The following AGBL4 variants were observed in gnomAD, a reference collection of about 807,000 sequenced individuals.
The protein encoded by AGBL4 is AGBL carboxypeptidase 4.
AGBL4 carries 58 observed loss-of-function variants against 66.4 expected under a neutral mutation model. The ratio of observed to expected loss-of-function variants is 0.87; its 90% CI spans 0.71 to 1.09. The LOEUF (loss-of-function observed/expected upper bound fraction) is 1.09. Among genes scored for constraint, AGBL4 ranks in the 50% least tolerant of loss-of-function variants. The probability of loss-of-function intolerance (pLI) is 0.00; values close to 1 mark genes in which losing one functional copy is unlikely to be tolerated. For synonymous variants in AGBL4, 234 were observed against 222.9 expected, an observed-to-expected ratio of 1.05 and a Z score of -0.44; for missense variants, 579 against 631.0, an observed-to-expected ratio of 0.92 and a Z score of 0.88.
chr1:48,753,242 C>T (rs937888266), intron 6 of AGBL4, among the ~76,000 whole-genome samples: 1 of 152,246 alleles, frequency 6.6e-6, no homozygotes, highest in African/African-American at 2.4e-5. Context: ...GCTGGTTCTC[C>T]TGTCTGTATG....
chr1:49,355,748 C>T (rs889345394), intron 3 of AGBL4, among the ~76,000 whole-genome samples: 1 of 152,140 alleles, frequency 6.6e-6, no homozygotes. Context: ...AGCCTTAGGA[C>T]CTTTGTAGTT....
chr1:49,657,545 G>C (rs1646169054), intron 3 of AGBL4, among the ~76,000 whole-genome samples: 1 of 152,112 alleles, frequency 6.6e-6, no homozygotes, highest in African/African-American at 2.4e-5. Flanking sequence ...AACCCACATT[G>C]CCAAGACAAT....
intron 1 of AGBL4, among the ~76,000 whole-genome samples, chr1:49,927,678 CA>C (rs199530205): frequency 0.014 from 1,513 of 109,568 alleles, 10 homozygotes; most frequent in Middle Eastern, 0.041. Flanking sequence ...TCAGAGGAGA[CA>C]AAAAAAAAAA....
intron 1 of AGBL4, among the ~76,000 whole-genome samples, chr1:49,953,186 T>C (rs1055510755): frequency 3.3e-5 from 5 of 151,954 alleles, no homozygotes; most frequent in Admixed American, 1.3e-4. Flanking sequence ...GGACCAGTAA[T>C]GAAATGAAAT....
intron 2 of AGBL4, among the ~76,000 whole-genome samples, chr1:49,796,366 A>T (rs1644729281): frequency 6.6e-6 from 1 of 151,744 alleles, no homozygotes; most frequent in Non-Finnish European, 1.5e-5. Flanking sequence ...AGGAGAAATG[A>T]AGACAAAAAA....
chr1:49,487,403 C>A (rs1024337292), intron 3 of AGBL4, among the ~76,000 whole-genome samples: 1 of 151,780 alleles, frequency 6.6e-6, no homozygotes, highest in Non-Finnish European at 1.5e-5. Flanking sequence ...TCTCATAATC[C>A]CCACATGTCA....
At chr1:49,752,258 G>A (rs1651535453) in intron 2 of AGBL4, among the ~76,000 whole-genome samples, 1 of 152,098 alleles carries the variant, frequency 6.6e-6, no homozygotes, top group Admixed American at 6.6e-5. Flanking sequence ...GTGTCCCAGA[G>A]ATTCTGGTAC....
chr1:49,195,808 T>A (rs1158259268), intron 4 of AGBL4, among the ~76,000 whole-genome samples: 1 of 152,122 alleles, frequency 6.6e-6, no homozygotes, highest in Non-Finnish European at 1.5e-5. Context: ...TTTGGCTGTG[T>A]CCCCACCCAA....
intron 1 of AGBL4, among the ~76,000 whole-genome samples, chr1:49,880,822 C>T (rs988766207): frequency 4.0e-5 from 6 of 151,762 alleles, no homozygotes; most frequent in African/African-American, 9.7e-5. Context: ...ATTCCGTGGG[C>T]GTAGGGCCCT....
At chr1:49,614,617 T>G (rs747959942) in intron 3 of AGBL4, among the ~76,000 whole-genome samples, 2 of 152,146 alleles carry the variant, frequency 1.3e-5, no homozygotes, top group Non-Finnish European at 2.9e-5. Context: ...AGTAGTACTT[T>G]TATAGTATTT....
intron 1 of AGBL4, among the ~76,000 whole-genome samples, chr1:49,964,200 T>C (rs575275736): frequency 2.0e-5 from 3 of 152,214 alleles, no homozygotes; most frequent in Admixed American, 2.0e-4. Context: ...CATCTACATA[T>C]AATGTAATGG....
intron 3 of AGBL4, among the ~76,000 whole-genome samples, chr1:49,566,620 G>T (rs986256154): frequency 6.4e-4 from 98 of 152,304 alleles, no homozygotes; most frequent in Non-Finnish European, 1.3e-3. Flanking sequence ...GCGGATATTG[G>T]TGAACCGCAA....
intron 2 of AGBL4, among the ~76,000 whole-genome samples, chr1:49,822,425 T>G (rs577729093): frequency 3.7e-4 from 57 of 152,038 alleles, no homozygotes; most frequent in African/African-American, 1.3e-3. Flanking sequence ...ACCTCCTGGG[T>G]TCACGCAATT....
At chr1:49,971,394 C>T (rs1018422876) in intron 1 of AGBL4, among the ~76,000 whole-genome samples, 1 of 152,098 alleles carries the variant, frequency 6.6e-6, no homozygotes, top group Non-Finnish European at 1.5e-5. Context: ...CTTTATTTTA[C>T]TTAATAATGG....
chr1:49,144,859 C>G (rs1646186855), intron 4 of AGBL4, among the ~76,000 whole-genome samples: 2 of 152,016 alleles, frequency 1.3e-5, no homozygotes, highest in South Asian at 4.2e-4. Context: ...AGAGAGGATT[C>G]TAGGCTGAGG....
intron 1 of AGBL4, among the ~76,000 whole-genome samples, chr1:49,931,952 C>A (rs543795036): frequency 6.6e-6 from 1 of 152,010 alleles, no homozygotes; most frequent in Non-Finnish European, 1.5e-5. Flanking sequence ...GCTGCATAAT[C>A]CAAAATGTTT....
intron 6 of AGBL4, among the ~76,000 whole-genome samples, chr1:48,672,993 C>T (rs928117985): frequency 6.6e-6 from 1 of 151,784 alleles, no homozygotes; most frequent in African/African-American, 2.4e-5. Context: ...TGTGAGGGCT[C>T]AGTACGTTGC....
At chr1:48,691,409 A>G (rs1275656677) in intron 6 of AGBL4, among the ~76,000 whole-genome samples, 1 of 152,132 alleles carries the variant, frequency 6.6e-6, no homozygotes, top group East Asian at 1.9e-4. Flanking sequence ...ATAGGATTAG[A>G]GTAATCAGGG....
At chr1:48,970,635 G>A (rs1045362112) in intron 5 of AGBL4, among the ~76,000 whole-genome samples, 1 of 152,072 alleles carries the variant, frequency 6.6e-6, no homozygotes, top group African/African-American at 2.4e-5. Context: ...AATCTGAAAG[G>A]TTTCAGAAAA....
Sources: gnomAD v4.1 joint callset for allele counts (sites outside exome capture counted in the v4.1 genomes callset) on GRCh38, gnomAD v4.1.1 for gene constraint, MANE v1.5 for transcripts, NCBI Gene and HGNC (gene_info 2026-07-23, HGNC 2026-07-21) for gene names.